PLXDC2: variants seen among roughly 807,000 people sequenced by gnomAD.
PLXDC2 encodes plexin domain containing 2.
A neutral mutation model predicts 68.9 loss-of-function variants in PLXDC2; 40 were observed. The observed-to-expected ratio is 0.58, with a 90% CI of 0.45 to 0.76. The LOEUF (loss-of-function observed/expected upper bound fraction) is 0.76. PLXDC2 is among the 30% of genes least tolerant of loss of function. The pLI is 0.00. For synonymous variants in PLXDC2, 243 were observed against 234.2 expected (o/e 1.04, Z -0.34); for missense variants, 644 against 661.9 (o/e 0.97, Z 0.30).
chr10:20,128,314 T>G (rs756584994), intron 4 of PLXDC2, among the ~76,000 whole-genome samples: 17 of 152,172 alleles, frequency 1.1e-4, no homozygotes, highest in Non-Finnish European at 2.1e-4. Flanking sequence ...TTGTCCCCCA[T>G]GTAGGAGTAA....
intron 4 of PLXDC2, among the ~76,000 whole-genome samples, chr10:20,101,005 T>C (rs1564315348): frequency 6.6e-6 from 1 of 152,224 alleles, no homozygotes; most frequent in Non-Finnish European, 1.5e-5. Context: ...AACTTGTTAC[T>C]AAGATTTCAA....
chr10:20,076,224 C>A (rs1387991099), intron 4 of PLXDC2, among the ~76,000 whole-genome samples: 1 of 152,164 alleles, frequency 6.6e-6, no homozygotes, highest in Non-Finnish European at 1.5e-5. Flanking sequence ...CTGGCCATTT[C>A]AGAAATGAGT....
chr10:20,019,698 G>C (rs1427551773), intron 2 of PLXDC2, among the ~76,000 whole-genome samples: 1 of 152,166 alleles, frequency 6.6e-6, no homozygotes, highest in African/African-American at 2.4e-5. Context: ...TGAAGACCAG[G>C]AAGAGAGTCC....
intron 1 of PLXDC2, among the ~76,000 whole-genome samples, chr10:19,820,350 G>A (rs540949758): frequency 2.0e-5 from 3 of 152,132 alleles, no homozygotes; most frequent in African/African-American, 7.2e-5. Flanking sequence ...ATATGTGTCC[G>A]GCCGGGCGCG....
chr10:19,910,816 C>A (rs778758568), intron 1 of PLXDC2, among the ~76,000 whole-genome samples: 1 of 151,836 alleles, frequency 6.6e-6, no homozygotes, highest in Non-Finnish European at 1.5e-5. Context: ...CGGGACCAGC[C>A]TAGTGAACAT....
chr10:19,938,466 G>T (rs1042669619), intron 1 of PLXDC2, among the ~76,000 whole-genome samples: 3 of 152,148 alleles, frequency 2.0e-5, no homozygotes, highest in African/African-American at 7.2e-5. Context: ...AGGCAAAGTG[G>T]GAGCAGACAT....
chr10:19,875,640 C>G (rs1215006311), intron 1 of PLXDC2, among the ~76,000 whole-genome samples: 6 of 152,190 alleles, frequency 3.9e-5, no homozygotes, highest in Non-Finnish European at 5.9e-5. Context: ...TCCCAGAATG[C>G]TCAGCTGAAC....
intron 1 of PLXDC2, among the ~76,000 whole-genome samples, chr10:19,832,801 G>C (rs1836720443): frequency 6.6e-6 from 1 of 152,226 alleles, no homozygotes; most frequent in African/African-American, 2.4e-5. Flanking sequence ...GCGGAGGTGT[G>C]TGTGGTGGGA....
intron 2 of PLXDC2, among the ~76,000 whole-genome samples, chr10:20,008,421 G>T (rs938112871): frequency 2.0e-5 from 3 of 152,098 alleles, no homozygotes; most frequent in Non-Finnish European, 4.4e-5. Context: ...AGGCATGGTG[G>T]TGCGTGTTGT....
intron 1 of PLXDC2, among the ~76,000 whole-genome samples, chr10:19,943,408 T>C (rs1833850532): frequency 6.6e-6 from 1 of 152,258 alleles, no homozygotes; most frequent in East Asian, 1.9e-4. Flanking sequence ...GAGTTTTATG[T>C]CTTCACTATA....
chr10:19,823,614 G>A (rs575097368), intron 1 of PLXDC2, among the ~76,000 whole-genome samples: 1 of 151,896 alleles, frequency 6.6e-6, no homozygotes, highest in South Asian at 2.1e-4. Flanking sequence ...CCCGGGAGGT[G>A]GAGGTTGAGA....
At chr10:20,104,976 G>A (rs562811616) in intron 4 of PLXDC2, among the ~76,000 whole-genome samples, 1 of 147,792 alleles carries the variant, frequency 6.8e-6, no homozygotes. Context: ...ACTTGAACCA[G>A]GGGGTCAGAG....
At chr10:20,085,519 A>AT (rs1833179891) in intron 4 of PLXDC2, among the ~76,000 whole-genome samples, 1 of 152,176 alleles carries the variant, frequency 6.6e-6, no homozygotes, top group African/African-American at 2.4e-5. Flanking sequence ...TGTTGCTAAG[A>AT]TTGTTTCATT....
chr10:20,106,664 T>G (rs1486332822), intron 4 of PLXDC2, among the ~76,000 whole-genome samples: 4 of 152,228 alleles, frequency 2.6e-5, no homozygotes, highest in Admixed American at 6.5e-5. Context: ...TCATAGTCTG[T>G]TTTCTTTGGC....
chr10:19,945,151 TAA>T (rs1000156849), intron 1 of PLXDC2, among the ~76,000 whole-genome samples: 2 of 152,200 alleles, frequency 1.3e-5, no homozygotes, highest in South Asian at 4.1e-4. Context: ...TTAAAATATG[TAA>T]AGAGTCAGCT....
intron 13 of PLXDC2, among the ~76,000 whole-genome samples, chr10:20,264,905 G>A (rs1158956010): frequency 6.6e-6 from 1 of 152,060 alleles, no homozygotes; most frequent in African/African-American, 2.4e-5. Context: ...GAAAGAGCAT[G>A]CTGTGTACCT....
At chr10:20,146,365 C>T (rs371067696) in intron 5 of PLXDC2, among the ~76,000 whole-genome samples, 1 of 150,180 alleles carries the variant, frequency 6.7e-6, no homozygotes, top group Non-Finnish European at 1.5e-5. Flanking sequence ...TTCTTTTCTC[C>T]TTCCTTCCTC....
At chr10:19,843,823 A>G (rs1836949973) in intron 1 of PLXDC2, among the ~76,000 whole-genome samples, 2 of 152,204 alleles carry the variant, frequency 1.3e-5, no homozygotes, top group Non-Finnish European at 1.5e-5. Context: ...GGGTATAAAC[A>G]TACAGTTTGA....
At chr10:20,082,143 G>T (rs1263089768) in intron 4 of PLXDC2, among the ~76,000 whole-genome samples, 2 of 147,070 alleles carry the variant, frequency 1.4e-5, no homozygotes, top group Non-Finnish European at 3.0e-5. Flanking sequence ...TAAATATAAT[G>T]TCATATTGTG....
Sources: gnomAD v4.1 joint callset for allele counts (sites outside exome capture counted in the v4.1 genomes callset) on GRCh38, gnomAD v4.1.1 for gene constraint, MANE v1.5 for transcripts, NCBI Gene and HGNC (gene_info 2026-07-23, HGNC 2026-07-21) for gene names.